Variants in SPTBN5 observed in about 807,000 individuals in gnomAD.
SPTBN5 encodes the protein spectrin beta, non-erythrocytic 5.
In SPTBN5, 513 loss-of-function variants were observed where a neutral mutation model predicts 477.6. The ratio of observed to expected loss-of-function variants is 1.07; its 90% CI spans 1.00 to 1.16. The LOEUF is 1.16. Ranked by LOEUF, SPTBN5 falls within the 50% of genes most tolerant of loss-of-function variation. SPTBN5 has a pLI of 0.00. For missense variants in SPTBN5, 5,062 were observed against 4,731.8 expected, an observed-to-expected ratio of 1.07 and a Z score of -2.05; for synonymous variants, 2,169 against 2,011.7, an observed-to-expected ratio of 1.08 and a Z score of -2.09.
intron 19 of SPTBN5, 53 bp from the exon 20 acceptor site, chr15:41,876,700 G>T: frequency 1.3e-6 from 2 of 1,509,452 alleles, no homozygotes; most frequent in Non-Finnish European, 1.8e-6. Flanking sequence ...TCCCACCCCA[G>T]CACGAGGTGC....
At chr15:41,866,595 TG>T (rs773629589) in intron 36 of SPTBN5, 102 bp from the exon 37 acceptor site, 5 of 1,322,156 alleles carry the variant, frequency 3.8e-6, no homozygotes, top group Non-Finnish European at 4.9e-6. Context: ...GCCTCAGGGG[TG>T]GGGCGGGCAG....
intron 24 of SPTBN5, 39 bp from the exon 25 acceptor site, chr15:41,874,084 C>G: frequency 6.4e-7 from 1 of 1,553,398 alleles, no homozygotes; most frequent in African/African-American, 1.4e-5. Context: ...GCTCTTAACC[C>G]AGGGGCGTCC....
At position 41,851,268 on chromosome 15, in the gene SPTBN5, T is replaced by C. The variant is rs2065751400; in HGVS notation, c.10743+15A>G. On this transcript the variant is annotated intron_variant, in intron 64 of 67. Transcript: ENST00000320955. ...AGCACCCTGATGTCTGCATCTCCCC[T>C]ACCCCGCCTGGTACCTCCGCTGCCA... 2 of 1,551,418 alleles carry C rather than the reference T, an allele frequency of 1.3e-6. No individual in the cohort carries two copies. The highest frequency in any genetic ancestry group is 1.7e-6 in the Non-Finnish European group (2 of 1,147,036).
chr15:41,875,944 T>C (rs976911396), intron 21 of SPTBN5, among the ~76,000 whole-genome samples, 170 bp downstream of exon 21: 1 of 152,112 alleles, frequency 6.6e-6, no homozygotes, highest in African/African-American at 2.4e-5. Context: ...GGGACTGGTT[T>C]GGGTGCCAAG....
rs1214363129 is a variant in SPTBN5, at chr15:41,893,467, G to T, written c.31C>A (p.Leu11Ile). MAGQPHSPRE[L>I]LGAAGHRSRR... Reference sequence around the variant, plus strand: ...CTGCGGTGCCCTGCAGCCCCGAGGAGCTCCCGGGGACTGTGGGGCTGACCA... The same window carrying T: ...CTGCGGTGCCCTGCAGCCCCGAGGATCTCCCGGGGACTGTGGGGCTGACCA... Residue 11 changes from leucine (L) to isoleucine (I), a missense_variant, in exon 2 of 68, where the codon CTC becomes ATC. Leu to Ile is a conservative substitution (Grantham distance 5, BLOSUM62 2). Transcript: ENST00000320955. 2.5e-6 allele frequency: 4 copies of T among 1,601,046 alleles called. No homozygotes were observed. In the African/African-American group the frequency reaches 4.0e-5, roughly 16 times the overall value.
chr15:41,862,743 C>T, intron 42 of SPTBN5, 47 bp downstream of exon 42: 1 of 1,545,812 alleles, frequency 6.5e-7, no homozygotes, highest in South Asian at 1.2e-5. Context: ...TGCCCAGGGT[C>T]CTACTCAGGA....
intron 22 of SPTBN5, 25 bp downstream of exon 22, chr15:41,875,433 T>C: frequency 2.5e-6 from 4 of 1,605,812 alleles, no homozygotes; most frequent in South Asian, 2.2e-5. Flanking sequence ...CTCCCTCTTG[T>C]GCCCTGTCCC....
At chr15:41,851,922 C>T in intron 62 of SPTBN5, 72 bp from the exon 63 acceptor site, 2 of 1,222,150 alleles carry the variant, frequency 1.6e-6, no homozygotes, top group Non-Finnish European at 2.4e-6. Flanking sequence ...GCACCCACTG[C>T]CCCCAGCTCT....
intron 61 of SPTBN5, 144 bp from the exon 62 acceptor site, chr15:41,852,460 G>A (rs901778257): frequency 2.2e-6 from 3 of 1,355,884 alleles, no homozygotes; most frequent in Non-Finnish European, 3.1e-6. Context: ...CTTTGGCTCT[G>A]GAGGCTCACA....
intron 43 of SPTBN5, 71 bp downstream of exon 43, chr15:41,862,468 G>A: frequency 1.3e-6 from 2 of 1,547,766 alleles, no homozygotes; most frequent in Non-Finnish European, 8.7e-7. Flanking sequence ...GGAACACAGG[G>A]GCTGAGGGGA....
intron 62 of SPTBN5, 53 bp downstream of exon 62, chr15:41,852,129 A>C (rs771794736): frequency 2.6e-5 from 40 of 1,520,800 alleles, no homozygotes; most frequent in Non-Finnish European, 3.5e-5. Context: ...GCCCCACTGC[A>C]TGCTTCAGGG....
chr15:41,860,360 C>T (rs542883559), intron 47 of SPTBN5, among the ~76,000 whole-genome samples: 2 of 152,376 alleles, frequency 1.3e-5, no homozygotes, highest in East Asian at 3.9e-4. Flanking sequence ...TTGATCTCAA[C>T]TGAATGAAGA....
At position 41,886,159 on chromosome 15, in the gene SPTBN5, C is replaced by T. The variant is rs372838005; in HGVS notation, c.1096G>A (p.Ala366Thr). 2.2e-5 allele frequency: 35 copies of T among 1,611,966 alleles called. No homozygotes were observed. Among genetic ancestry groups the T allele is most frequent in the South Asian group, 5.5e-5 (5 of 90,980 alleles). The change falls in exon 7 of 68, where the codon GCA becomes ACA. Residue 366 changes from alanine (A) to threonine (T), a missense_variant. Ala to Thr is a moderately conservative substitution (Grantham distance 58). Coordinates refer to ENST00000320955, the MANE Select transcript of SPTBN5 (RefSeq NM_016642.4). ...KPPRLQQRGA[A>T]EALLFRLQTA... ...TGTAGCCGGAAGAGCAGGGCCTCTG[C>T]GGCCCCTCGCTGCTGTAGCCGGGGT...
chr15:41,851,169 C>G lies in SPTBN5; in HGVS notation c.10744-19G>C. 4 of 1,609,804 alleles carry G rather than the reference C, an allele frequency of 2.5e-6. No homozygotes were observed. The highest frequency in any genetic ancestry group is 3.4e-6 in the Non-Finnish European group (4 of 1,178,166). ...CTACTTTCTGAGGAGAGATGAGAGGCAGGGGTCACTGCGGCCATCTCAGCT... is the reference window on the plus strand; with the variant it reads ...CTACTTTCTGAGGAGAGATGAGAGGGAGGGGTCACTGCGGCCATCTCAGCT... On this transcript the variant is annotated intron_variant, in intron 64 of 67. Coordinates refer to ENST00000320955, the MANE Select transcript of SPTBN5 (RefSeq NM_016642.4).
chr15:41,856,750 C>T (rs1190444606), intron 52 of SPTBN5, 103 bp downstream of exon 52: 2 of 1,374,926 alleles, frequency 1.5e-6, no homozygotes, highest in Admixed American at 2.4e-5. Flanking sequence ...CCCAAAAGCC[C>T]CCACAGGCAG....
intron 3 of SPTBN5, 50 bp from the exon 4 acceptor site, chr15:41,890,255 G>T: frequency 1.5e-6 from 2 of 1,354,790 alleles, no homozygotes; most frequent in Non-Finnish European, 2.1e-6. Flanking sequence ...GTCCAGAGAG[G>T]ACTCAGTCAC....
chr15:41,861,281 C>T (rs536499405), intron 46 of SPTBN5, 138 bp downstream of exon 46: 79 of 730,144 alleles, frequency 1.1e-4, no homozygotes, highest in African/African-American at 5.2e-4. Flanking sequence ...TGCCCAGTGA[C>T]GGATGTGGCC....
At chr15:41,880,083 A>T in intron 14 of SPTBN5, 77 bp downstream of exon 14, 1 of 1,495,758 alleles carries the variant, frequency 6.7e-7, no homozygotes, top group Non-Finnish European at 8.9e-7. Flanking sequence ...GTTAAATTGG[A>T]AAACTGAGTC....
intron 64 of SPTBN5, 38 bp downstream of exon 64, chr15:41,851,245 C>T (rs1178373943): frequency 1.7e-5 from 27 of 1,553,708 alleles, no homozygotes; most frequent in Non-Finnish European, 2.0e-5. Context: ...TGCTTCCCAG[C>T]ACCCTGATGT....
Sources: gnomAD v4.1 joint callset for allele counts (sites outside exome capture counted in the v4.1 genomes callset) on GRCh38, gnomAD v4.1.1 for gene constraint, MANE v1.5 for transcripts, NCBI Gene and HGNC (gene_info 2026-07-23, HGNC 2026-07-21) for gene names.